Variants in KDM4C observed in about 807,000 individuals in gnomAD.
KDM4C encodes the protein lysine-specific demethylase 4C.
In KDM4C, 81 loss-of-function variants were observed where a neutral mutation model predicts 129.3. The observed-to-expected ratio is 0.63, with a 90% confidence interval of 0.52 to 0.75. The LOEUF is 0.75. Ranked by LOEUF, KDM4C falls within the 30% of genes least tolerant of loss-of-function variation. The pLI is 0.00. For missense variants in KDM4C, 1,457 were observed against 1,304.0 expected (o/e 1.12, Z -1.81); for synonymous variants, 573 against 456.1 (o/e 1.26, Z -3.26).
chr9:6,840,915 A>G (rs573191686), intron 4 of KDM4C, among the ~76,000 whole-genome samples: 98 of 152,346 alleles, frequency 6.4e-4, no homozygotes, highest in Non-Finnish European at 1.0e-3. Flanking sequence ...GAGAGAGGCA[A>G]TTTAAATGGG....
chr9:6,844,949 A>C (rs1483571753), intron 4 of KDM4C, among the ~76,000 whole-genome samples: 1 of 152,166 alleles, frequency 6.6e-6, no homozygotes, highest in Non-Finnish European at 1.5e-5. Flanking sequence ...CGGCCTCCCA[A>C]AGTGCTGGGA....
chr9:7,152,787 T>G (rs1276650755), intron 19 of KDM4C, among the ~76,000 whole-genome samples: 1 of 152,190 alleles, frequency 6.6e-6, no homozygotes, highest in African/African-American at 2.4e-5. Flanking sequence ...TGAACTCAGT[T>G]CCAAGCTCTT....
intron 17 of KDM4C, among the ~76,000 whole-genome samples, chr9:7,054,287 G>C (rs899247948): frequency 1.8e-4 from 27 of 152,216 alleles, no homozygotes; most frequent in African/African-American, 6.0e-4. Flanking sequence ...AAGTGGTATA[G>C]ATTTAGAATT....
At chr9:6,890,536 T>C (rs1845970379) in intron 7 of KDM4C, among the ~76,000 whole-genome samples, 1 of 152,204 alleles carries the variant, frequency 6.6e-6, no homozygotes, top group Non-Finnish European at 1.5e-5. Flanking sequence ...CTCTCTTCTC[T>C]AGCTTCTTTT....
At chr9:6,777,151 T>C (rs534717438) in intron 1 of KDM4C, among the ~76,000 whole-genome samples, 150 of 152,346 alleles carry the variant, frequency 9.8e-4, no homozygotes, top group Middle Eastern at 3.4e-3. Flanking sequence ...GTTGATTTCC[T>C]TTGGATTTTG....
At chr9:6,863,445 T>G (rs78447486) in intron 5 of KDM4C, among the ~76,000 whole-genome samples, 1 of 152,020 alleles carries the variant, frequency 6.6e-6, no homozygotes, top group African/African-American at 2.4e-5. Flanking sequence ...GGTCACATGT[T>G]GCTTCCATTC....
intron 4 of KDM4C, chr9:6,834,467 TATTGCTACGC>T (rs1225944163): frequency 1.9e-6 from 1 of 539,322 alleles, no homozygotes; most frequent in African/African-American, 1.9e-5. Flanking sequence ...TAGATGATGA[TATTGCTACGC>T]CCGTCGTCGA....
intron 12 of KDM4C, among the ~76,000 whole-genome samples, chr9:6,997,952 TAC>T: frequency 1.3e-5 from 2 of 152,362 alleles, no homozygotes; most frequent in South Asian, 4.1e-4. Flanking sequence ...TAACCAAGTG[TAC>T]TGTGTTTAGT....
Position 7,127,392 on chromosome 9 carries a change from C to T in KDM4C, c.2611-674C>T, listed in dbSNP as rs576478110. The stretch of plus-strand genomic sequence containing the variant: ...CAAACATCATGTGCCTTCAGAATAT[C>T]CTGAGAACAAGAGAACATCACCTAT... On this transcript the variant is annotated intron_variant, in intron 18 of 21. Transcript: ENST00000381309. Among the ~76,000 whole-genome samples the T allele has an allele frequency of 2.9e-3, 438 of 152,178 alleles. 3 individuals carry two copies. The highest frequency in any genetic ancestry group is 0.01 in the Middle Eastern group (3 of 294).
chr9:6,857,431 A>G (rs752200533), intron 5 of KDM4C, among the ~76,000 whole-genome samples: 12 of 152,230 alleles, frequency 7.9e-5, no homozygotes, highest in Non-Finnish European at 7.3e-5. Flanking sequence ...AACTGGTAGT[A>G]AAATATTTAT....
chr9:6,725,411 T>C (rs952351065), intron 1 of KDM4C, among the ~76,000 whole-genome samples: 2 of 152,152 alleles, frequency 1.3e-5, no homozygotes, highest in African/African-American at 2.4e-5. Context: ...ATAGTGGTAA[T>C]TGCCTTGTAT....
At chr9:7,093,077 G>A (rs1835987960) in intron 17 of KDM4C, among the ~76,000 whole-genome samples, 1 of 152,126 alleles carries the variant, frequency 6.6e-6, no homozygotes, top group Admixed American at 6.6e-5. Context: ...TTTGGAGTCA[G>A]TCATCCAATT....
rs971846289 is a variant in KDM4C, at chr9:6,834,518, C to T, written c.436-14989C>T. The T allele has an allele frequency of 6.1e-5, 40 of 655,408 alleles. No homozygotes were observed. The East Asian group carries it at 6.8e-4, about 11-fold the overall frequency. 40.6% of individuals were successfully genotyped at this position (655,408 alleles called of 1,614,324 possible). On this transcript the variant is annotated intron_variant, in intron 4 of 21. Transcript: ENST00000381309. ...GCTCCGGCATGTGGAAGGCTGGCTT[C>T]GCAGGTGACGATGACCCCCGGCCGT...
chr9:6,956,553 T>A (rs1257116831), intron 8 of KDM4C, among the ~76,000 whole-genome samples: 1 of 152,234 alleles, frequency 6.6e-6, no homozygotes, highest in Non-Finnish European at 1.5e-5. Context: ...CTGCCTGTAT[T>A]TGTAAATAAC....
intron 15 of KDM4C, among the ~76,000 whole-genome samples, chr9:7,034,056 T>C (rs1025162221): frequency 1.3e-5 from 2 of 152,040 alleles, no homozygotes; most frequent in Admixed American, 6.6e-5. Context: ...GGTCTCTCAA[T>C]CTGATTGTTG....
At chr9:6,916,086 T>C (rs1820258980) in intron 8 of KDM4C, among the ~76,000 whole-genome samples, 2 of 152,182 alleles carry the variant, frequency 1.3e-5, no homozygotes, top group South Asian at 4.1e-4. Context: ...AGTATATATT[T>C]GGAAGGAGAG....
At chr9:7,038,750 T>C (rs1017245663) in intron 15 of KDM4C, among the ~76,000 whole-genome samples, 1 of 152,018 alleles carries the variant, frequency 6.6e-6, no homozygotes, top group Non-Finnish European at 1.5e-5. Flanking sequence ...GTTAAATTCT[T>C]CTCCGTAACC....
chr9:6,823,177 TGC>T (rs751563593), intron 4 of KDM4C, among the ~76,000 whole-genome samples: 6 of 152,242 alleles, frequency 3.9e-5, no homozygotes, highest in Non-Finnish European at 8.8e-5. Flanking sequence ...ATTTTCCCTT[TGC>T]TGAGCGGTGA....
intron 15 of KDM4C, among the ~76,000 whole-genome samples, chr9:7,022,621 TGCAAAC>T (rs1825066076): frequency 6.8e-6 from 1 of 146,960 alleles, no homozygotes; most frequent in African/African-American, 2.6e-5. Flanking sequence ...CTTTCCAATT[TGCAAAC>T]CCTTTATTTC....
Sources: allele counts gnomAD v4.1 joint callset (sites outside exome capture counted in the v4.1 genomes callset), GRCh38; gene constraint gnomAD v4.1.1; transcripts MANE v1.5; gene names NCBI Gene and HGNC (gene_info 2026-07-23, HGNC 2026-07-21).